TMEM119: variants seen among roughly 807,000 people sequenced by gnomAD.
The protein encoded by TMEM119 is transmembrane protein 119, also known as osteoblast induction factor.
For synonymous variants in TMEM119, 182 were observed against 176.4 expected, an observed-to-expected ratio of 1.03 and a Z score of -0.25; for missense variants, 410 against 381.0, an observed-to-expected ratio of 1.08 and a Z score of -0.63.
chr12:108,592,904 G>A lies in TMEM119; in HGVS notation c.-14-507C>T, dbSNP rs1159875972. 2.6e-5 allele frequency among the ~76,000 whole-genome samples: 4 copies of A among 152,042 alleles called. No homozygotes were observed. The highest frequency in any genetic ancestry group is 4.2e-4 in the South Asian group (2 of 4,804). On this transcript the variant is annotated intron_variant, in intron 1 of 1. Coordinates refer to ENST00000392806, the MANE Select transcript of TMEM119 (RefSeq NM_181724.3). This position sits in a 1 kb window ranked among gnomAD's most constrained non-coding sequence, Gnocchi z 4.3. ...GGGTCTGGATCCAAGCAGAGAGGGA[G>A]AAATGATAGTAGGGCTGAGTAAGTG...
In TMEM119 at chr12:108,592,373, G is replaced by A. The variant is rs201229869; in HGVS notation, c.11C>T (p.Ala4Val). MVS[A>V]AAPSLLILLL... ...AAGGATGAGGAGGCTGGGGGCTGCCGCCGAAACCATGGTGCCCCCAGGACC... is the reference window on the plus strand; with the variant it reads ...AAGGATGAGGAGGCTGGGGGCTGCCACCGAAACCATGGTGCCCCCAGGACC... The change falls in exon 2 of 2, where the codon GCG (alanine) becomes GTG (valine). Residue 4 changes from alanine (A) to valine (V), a missense_variant. Physicochemically the swap from Ala to Val is moderately conservative, Grantham distance 64. Transcript: ENST00000392806. The surrounding 1 kb of genome is among the most constrained non-coding windows in gnomAD (Gnocchi z 4.3). 34 of 1,557,442 alleles carry A rather than the reference G, an allele frequency of 2.2e-5. No homozygotes were observed. Among genetic ancestry groups the A allele is most frequent in the African/African-American group, 2.0e-4 (15 of 73,778 alleles).
Position 108,591,284 on chromosome 12 carries a change from G to C in TMEM119, c.*248C>G, listed in dbSNP as rs1011086568. 2.1e-5 allele frequency: 9 copies of C among 436,014 alleles called. No homozygotes were observed. The South Asian group carries it at 4.5e-4, about 22-fold the overall frequency. The allele number at this position is 436,014 out of a possible 1,614,324, so 27.0% of individuals were successfully genotyped here. A position where few individuals can be genotyped will look rare whatever the true frequency, so the allele number is the denominator to read the frequency against. ...CGTGCCCTCCCTCACTTTGTCAGGG[G>C]AGCTGTGCTGTAGGATGTAGCCCTT... On this transcript the variant is annotated 3_prime_UTR_variant, in exon 2 of 2. Coordinates refer to ENST00000392806, the MANE Select transcript of TMEM119 (RefSeq NM_181724.3). The surrounding 1 kb of genome is among the most constrained non-coding windows in gnomAD (Gnocchi z 4.2).
chr12:108,592,139 TTGG>T lies in TMEM119; in HGVS notation c.242_244del (p.Thr81del). ...GAAGTCCACTATCCCATCCAGGAAG[TTGG>T]TGGGGGGTGATGGGCCCCCCAGGGT... On this transcript the variant is annotated inframe_deletion, in exon 2 of 2. Coordinates refer to ENST00000392806, the MANE Select transcript of TMEM119 (RefSeq NM_181724.3). The surrounding 1 kb of genome is among the most constrained non-coding windows in gnomAD (Gnocchi z 4.3). 1.9e-6 allele frequency: 3 copies of T among 1,613,798 alleles called. No homozygotes were observed. The highest frequency in any genetic ancestry group is 2.5e-6 in the Non-Finnish European group (3 of 1,179,914).
At chr12:108,594,821 C>T (rs912242728) in intron 1 of TMEM119, among the ~76,000 whole-genome samples, 1 of 151,734 alleles carries the variant, frequency 6.6e-6, no homozygotes, top group Non-Finnish European at 1.5e-5. Flanking sequence ...GTCCCAGCTA[C>T]TTGGGAGGAT....
chr12:108,591,523 G>A lies in TMEM119; in HGVS notation c.*9C>T. 1 of 1,573,500 alleles carries A rather than the reference G, an allele frequency of 6.4e-7. No homozygotes were observed. Among genetic ancestry groups the A allele is most frequent in the Non-Finnish European group, 8.6e-7 (1 of 1,158,504 alleles). ...CCCGACAGTCAGGGCTGGCAGCCCG[G>A]GAGGACTGTTAGACACTGGGGTGGA... is the stretch of plus-strand genomic sequence containing the variant. On this transcript the variant is annotated 3_prime_UTR_variant, in exon 2 of 2. Transcript: ENST00000392806. This position sits in a 1 kb window ranked among gnomAD's most constrained non-coding sequence, Gnocchi z 4.2.
chr12:108,596,146 G>C (rs1012942594), intron 1 of TMEM119, among the ~76,000 whole-genome samples: 1 of 152,142 alleles, frequency 6.6e-6, no homozygotes, highest in African/African-American at 2.4e-5. Flanking sequence ...GCTGAGCCCC[G>C]AGGAAAGATA....
chr12:108,594,812 T>G (rs951360072), intron 1 of TMEM119, among the ~76,000 whole-genome samples: 2 of 151,770 alleles, frequency 1.3e-5, no homozygotes, highest in African/African-American at 4.8e-5. Flanking sequence ...ATGCCTGTAG[T>G]CCCAGCTACT....
chr12:108,596,544 C>G (rs1351004367), intron 1 of TMEM119, among the ~76,000 whole-genome samples: 1 of 152,216 alleles, frequency 6.6e-6, no homozygotes, highest in Non-Finnish European at 1.5e-5. Context: ...CCCTGCACCC[C>G]ACAACCCCTC....
At position 108,591,112 on chromosome 12, in the gene TMEM119, G is replaced by C. The variant is rs74930907; in HGVS notation, c.*420C>G. On this transcript the variant is annotated 3_prime_UTR_variant, in exon 2 of 2. Transcript: ENST00000392806. The surrounding 1 kb of genome is among the most constrained non-coding windows in gnomAD (Gnocchi z 4.2). Reference sequence around the variant, plus strand: ...GTGGACTGTTTTTTGTTTTTATAGAGATGGGTCTCACAATGTTGCCAGGGC... The same window carrying C: ...GTGGACTGTTTTTTGTTTTTATAGACATGGGTCTCACAATGTTGCCAGGGC... 1,259 of 164,078 alleles carry C rather than the reference G, an allele frequency of 7.7e-3. 16 individuals carry two copies. The highest frequency in any genetic ancestry group is 0.028 in the African/African-American group (1,167 of 42,062). The allele number at this position is 164,078 out of a possible 1,614,324, so 10.2% of individuals were successfully genotyped here.
At chr12:108,597,647 C>T (rs907181154) in intron 1 of TMEM119, among the ~76,000 whole-genome samples, 2 of 152,002 alleles carry the variant, frequency 1.3e-5, no homozygotes, top group African/African-American at 2.4e-5. Flanking sequence ...CCGATCCCTG[C>T]ACACAGGACA....
At chr12:108,596,806 C>T (rs73191228) in intron 1 of TMEM119, among the ~76,000 whole-genome samples, 28,414 of 152,234 alleles carry the variant, frequency 0.19, 3,732 homozygotes, top group East Asian at 0.6. Flanking sequence ...TCAGGCCCAA[C>T]GCCTCTTGCT....
At chr12:108,593,294 A>G (rs1463440800) in intron 1 of TMEM119, among the ~76,000 whole-genome samples, 1 of 151,868 alleles carries the variant, frequency 6.6e-6, no homozygotes, top group Non-Finnish European at 1.5e-5. Context: ...AAATACAAAA[A>G]TCAGGCAGGC....
chr12:108,595,522 A>G (rs2031490738), intron 1 of TMEM119, among the ~76,000 whole-genome samples: 1 of 148,392 alleles, frequency 6.7e-6, no homozygotes, highest in Non-Finnish European at 1.5e-5. Context: ...ACCCATATAC[A>G]CCCCACACAC....
rs771511489 is a variant in TMEM119 at position 108,592,055 on chromosome 12, A to C, written c.329T>G (p.Phe110Cys). ...GGTGATGACCGCGGCACAGACGATGAACATCAGCAGAAAGGCCAGGGAGCC... is the reference window on the plus strand; with the variant it reads ...GGTGATGACCGCGGCACAGACGATGCACATCAGCAGAAAGGCCAGGGAGCC... ...VVGSLAFLLM[F>C]IVCAAVITRQ... The change falls in exon 2 of 2, where the codon TTC (phenylalanine) becomes TGC (cysteine). Residue 110 changes from phenylalanine to cysteine, a missense_variant. Transcript: ENST00000392806. The surrounding 1 kb of genome is among the most constrained non-coding windows in gnomAD (Gnocchi z 4.3). The C allele has an allele frequency of 5.0e-6, 8 of 1,614,088 alleles. No individual in the cohort carries two copies. Among genetic ancestry groups the C allele is most frequent in the Non-Finnish European group, 6.8e-6 (8 of 1,179,996 alleles).
chr12:108,593,128 C>T (rs1416666774), intron 1 of TMEM119, among the ~76,000 whole-genome samples: 1 of 152,144 alleles, frequency 6.6e-6, no homozygotes, highest in African/African-American at 2.4e-5. Flanking sequence ...TCCGCCAGCC[C>T]AGCTCTACCT....
intron 1 of TMEM119, among the ~76,000 whole-genome samples, chr12:108,596,722 T>G (rs571852984): frequency 3.0e-4 from 45 of 152,374 alleles, no homozygotes; most frequent in Non-Finnish European, 6.0e-4. Flanking sequence ...TCTGAAGTCA[T>G]TATTCTGCCT....
chr12:108,596,527 C>G (rs570246677), intron 1 of TMEM119, among the ~76,000 whole-genome samples: 1 of 152,348 alleles, frequency 6.6e-6, no homozygotes, highest in East Asian at 1.9e-4. Flanking sequence ...CCCTGACTCT[C>G]AGAGTCCCCT....
rs756183249 is a variant in TMEM119, at chr12:108,592,152, A to T, written c.232T>A (p.Ser78Thr). The T allele has an allele frequency of 2.5e-6, 4 of 1,613,874 alleles. No individual in the cohort carries two copies. The Admixed American group carries it at 6.7e-5, about 27-fold the overall frequency. Residue 78 changes from serine to threonine, a missense_variant, in exon 2 of 2, where the codon TCA becomes ACA. Physicochemically the swap from Ser to Thr is moderately conservative, Grantham distance 58. Coordinates refer to ENST00000392806, the MANE Select transcript of TMEM119 (RefSeq NM_181724.3). The surrounding 1 kb of genome is among the most constrained non-coding windows in gnomAD (Gnocchi z 4.3). Reference protein sequence around the residue: ...GPQPITLGGPSPPTNFLDGIV... With the variant: ...GPQPITLGGPTPPTNFLDGIV... ...CCATCCAGGAAGTTGGTGGGGGGTG[A>T]TGGGCCCCCCAGGGTTATGGGCTGG...
chr12:108,597,743 C>T (rs1677151188), intron 1 of TMEM119, among the ~76,000 whole-genome samples: 1 of 152,078 alleles, frequency 6.6e-6, no homozygotes. Context: ...ACACCCCCTA[C>T]ACCAAGGCCC....
Sources: gnomAD v4.1 joint callset for allele counts (sites outside exome capture counted in the v4.1 genomes callset) on GRCh38, gnomAD v4.1.1 for gene constraint, Gnocchi (gnomAD v3.1) non-coding constraint, MANE v1.5 for transcripts, NCBI Gene and HGNC (gene_info 2026-07-23, HGNC 2026-07-21) for gene names.